Variants in ATRNL1 observed in about 807,000 individuals in gnomAD.
The protein encoded by ATRNL1 is attractin-like protein 1.
In ATRNL1, 95 loss-of-function variants were observed where a neutral mutation model predicts 182.7. The ratio of observed to expected loss-of-function variants is 0.52; its 90% CI spans 0.44 to 0.62. ATRNL1 has a LOEUF of 0.62. Ranked by LOEUF, ATRNL1 falls within the 20% of genes least tolerant of loss-of-function variation. ATRNL1 has a pLI of 0.00. For missense variants in ATRNL1, 1,471 were observed against 1,679.5 expected (o/e 0.88, Z 2.17); for synonymous variants, 576 against 568.3 (o/e 1.01, Z -0.19).
chr10:115,731,583 G>A (rs944066685), intron 27 of ATRNL1, among the ~76,000 whole-genome samples: 2 of 150,620 alleles, frequency 1.3e-5, no homozygotes, highest in Non-Finnish European at 3.0e-5. Context: ...TTAATGTATG[G>A]TATTTTTATG....
intron 26 of ATRNL1, among the ~76,000 whole-genome samples, chr10:115,571,749 G>A (rs1555003551): frequency 2.6e-5 from 4 of 151,866 alleles, no homozygotes; most frequent in Non-Finnish European, 5.9e-5. Flanking sequence ...TTATGATATT[G>A]AACCTTCTAA....
At chr10:115,366,711 C>T (rs1191692054) in intron 19 of ATRNL1, among the ~76,000 whole-genome samples, 4 of 151,602 alleles carry the variant, frequency 2.6e-5, no homozygotes, top group Admixed American at 6.6e-5. Context: ...TAGGGCAGGC[C>T]TGGTGGTGAC....
At chr10:115,533,799 TTG>T (rs1362141526) in intron 25 of ATRNL1, among the ~76,000 whole-genome samples, 1 of 151,236 alleles carries the variant, frequency 6.6e-6, no homozygotes, top group African/African-American at 2.4e-5. Flanking sequence ...TTCTGGTATG[TTG>T]TGTCTTTGTT....
At chr10:115,763,886 T>C (rs1252923669) in intron 27 of ATRNL1, among the ~76,000 whole-genome samples, 1 of 152,194 alleles carries the variant, frequency 6.6e-6, no homozygotes, top group Non-Finnish European at 1.5e-5. Context: ...GCCTATTACA[T>C]AACATTCACG....
chr10:115,601,740 T>C (rs1225359422), intron 26 of ATRNL1, among the ~76,000 whole-genome samples: 2 of 152,192 alleles, frequency 1.3e-5, no homozygotes, highest in African/African-American at 4.8e-5. Flanking sequence ...TTCTAACTTG[T>C]CTGCTTATTT....
At chr10:115,738,078 G>T (rs921510151) in intron 27 of ATRNL1, among the ~76,000 whole-genome samples, 2 of 136,634 alleles carry the variant, frequency 1.5e-5, no homozygotes, top group African/African-American at 5.3e-5. Context: ...GAAGGAAATT[G>T]TAAGGAAATT....
chr10:115,171,911 T>C (rs2144098207), intron 8 of ATRNL1, among the ~76,000 whole-genome samples: 1 of 152,230 alleles, frequency 6.6e-6, no homozygotes, highest in Non-Finnish European at 1.5e-5. Flanking sequence ...TTCTTTATTG[T>C]TTTTAGTTTG....
chr10:115,796,785 A>T (rs1949664172), intron 27 of ATRNL1, among the ~76,000 whole-genome samples: 2 of 152,220 alleles, frequency 1.3e-5, no homozygotes, highest in Admixed American at 6.5e-5. Context: ...AAGCCTTTTC[A>T]TGGGGGCTAA....
At chr10:115,705,274 G>C (rs1249747092) in intron 26 of ATRNL1, among the ~76,000 whole-genome samples, 3 of 151,832 alleles carry the variant, frequency 2.0e-5, no homozygotes, top group Non-Finnish European at 4.4e-5. Context: ...TCAAGCACAA[G>C]TACACATTAT....
At chr10:115,631,614 A>G (rs1427257463) in intron 26 of ATRNL1, among the ~76,000 whole-genome samples, 2 of 152,082 alleles carry the variant, frequency 1.3e-5, no homozygotes, top group Non-Finnish European at 2.9e-5. Context: ...ATAAGCACAT[A>G]ATTGTTGAGG....
At chr10:115,937,776 G>A (rs185755560) in intron 28 of ATRNL1, among the ~76,000 whole-genome samples, 87 of 152,294 alleles carry the variant, frequency 5.7e-4, no homozygotes, top group African/African-American at 2.0e-3. Flanking sequence ...AAATAAAACT[G>A]TAGCCATTAA....
chr10:115,450,424 T>G lies in ATRNL1; in HGVS notation c.3323-11517T>G, dbSNP rs140378453. ...AAGGCTCCTTCAACTTTTAAACAGC[T>G]TCAGCAAAGTTGTCAGATACAAAAT... On this transcript the variant is annotated intron_variant, in intron 21 of 28. Transcript: ENST00000355044. 5.8e-3 allele frequency among the ~76,000 whole-genome samples: 876 copies of G among 152,312 alleles called. 3 individuals carry two copies. Among genetic ancestry groups the G allele is most frequent in the Non-Finnish European group, 6.3e-3 (431 of 68,038 alleles).
chr10:115,360,707 A>T (rs2134155379), intron 19 of ATRNL1, among the ~76,000 whole-genome samples: 1 of 151,742 alleles, frequency 6.6e-6, no homozygotes, highest in Middle Eastern at 3.4e-3. Flanking sequence ...CATTTGCAGA[A>T]TGTGGAGGAG....
intron 9 of ATRNL1, among the ~76,000 whole-genome samples, chr10:115,220,204 C>T (rs1849398756): frequency 6.6e-6 from 1 of 152,172 alleles, no homozygotes; most frequent in Non-Finnish European, 1.5e-5. Context: ...AGGATCAACT[C>T]TTCATCAATA....
At chr10:115,610,865 A>G (rs1376118899) in intron 26 of ATRNL1, among the ~76,000 whole-genome samples, 1 of 152,160 alleles carries the variant, frequency 6.6e-6, no homozygotes, top group Admixed American at 6.5e-5. Flanking sequence ...TACTTAAGGA[A>G]CCTTCAAAAT....
At chr10:115,099,836 A>G (rs1554864155) in intron 1 of ATRNL1, among the ~76,000 whole-genome samples, 2 of 152,238 alleles carry the variant, frequency 1.3e-5, no homozygotes, top group Non-Finnish European at 2.9e-5. Context: ...CTTATGAGGT[A>G]TATCATTTGC....
At chr10:115,679,579 T>G (rs1021547886) in intron 26 of ATRNL1, among the ~76,000 whole-genome samples, 5 of 152,128 alleles carry the variant, frequency 3.3e-5, no homozygotes, top group African/African-American at 7.2e-5. Flanking sequence ...ATCTCTACCC[T>G]GAGTCATTTT....
Position 115,215,784 on chromosome 10 carries a change from A to T in ATRNL1, c.1436A>T (p.Lys479Met), listed in dbSNP as rs1324540215. The T allele has an allele frequency of 6.2e-7, 1 of 1,609,864 alleles. No homozygotes were observed. The change falls in exon 9 of 29, where the codon AAG becomes ATG. Residue 479 changes from lysine (K) to methionine (M), a missense_variant. Around this residue, in one of 3 missense-constraint regions of ATRNL1, gnomAD observed 1,031 missense variants for 1,156.0 expected, o/e 0.89. Coordinates refer to ENST00000355044, the MANE Select transcript of ATRNL1 (RefSeq NM_207303.4). ...ACTAGTGTGTATGATGAAATAACAA[A>T]GTCCATTTATGTTCATGGAGGGTAT... Reference protein sequence around the residue: ...GHTSVYDEITKSIYVHGGYKA... With the variant: ...GHTSVYDEITMSIYVHGGYKA...
Position 115,413,290 on chromosome 10 carries a change from G to T in ATRNL1, c.3270-12960G>T, listed in dbSNP as rs530673740. Among the ~76,000 whole-genome samples the T allele has an allele frequency of 3.9e-5, 6 of 152,272 alleles. No individual in the cohort carries two copies. In the South Asian group the frequency reaches 1.2e-3, roughly 32 times the overall value. On this transcript the variant is annotated intron_variant, in intron 20 of 28. Coordinates refer to ENST00000355044, the MANE Select transcript of ATRNL1 (RefSeq NM_207303.4). Reference sequence around the variant, plus strand: ...TGGATTTTGAGTGGAAGTATAACAAGTAAGCCTGCATTCTTTTTTCTCTTT... The same window carrying T: ...TGGATTTTGAGTGGAAGTATAACAATTAAGCCTGCATTCTTTTTTCTCTTT...
Sources: allele counts gnomAD v4.1 joint callset (sites outside exome capture counted in the v4.1 genomes callset), GRCh38; gene constraint gnomAD v4.1.1; regional missense constraint gnomAD v4.1.1; transcripts MANE v1.5; gene names NCBI Gene and HGNC (gene_info 2026-07-23, HGNC 2026-07-21).